SLC16A7: variants seen among roughly 807,000 people sequenced by gnomAD.
SLC16A7 encodes the protein monocarboxylate transporter 2.
SLC16A7 carries 33 observed loss-of-function variants against 34.9 expected under a neutral mutation model. That is an observed-to-expected ratio of 0.94 (90% CI 0.72 to 1.26). The LOEUF is 1.26. Among genes scored for constraint, SLC16A7 ranks in the 50% most tolerant of loss-of-function variants. The pLI, the probability that SLC16A7 is intolerant of heterozygous loss-of-function variation, is 0.00. For missense variants in SLC16A7, 573 were observed against 578.1 expected (o/e 0.99, Z 0.09); for synonymous variants, 201 against 206.6 (o/e 0.97, Z 0.23).
intron 3 of SLC16A7, among the ~76,000 whole-genome samples, chr12:59,767,014 T>C (rs1161354258): frequency 1.3e-5 from 2 of 152,104 alleles, no homozygotes; most frequent in Non-Finnish European, 2.9e-5. Context: ...TCAGAGCCTG[T>C]TATTGATCTA....
At chr12:59,599,837 T>G (rs1878600221) in intron 1 of SLC16A7, among the ~76,000 whole-genome samples, 1 of 152,234 alleles carries the variant, frequency 6.6e-6, no homozygotes, top group African/African-American at 2.4e-5. Flanking sequence ...CTTAGGCTGA[T>G]TCTTATATTT....
intron 2 of SLC16A7, among the ~76,000 whole-genome samples, chr12:59,657,852 C>T (rs1161345943): frequency 6.6e-6 from 1 of 151,896 alleles, no homozygotes; most frequent in Non-Finnish European, 1.5e-5. Flanking sequence ...TATAGTTAGG[C>T]AGGGAGGTAA....
intron 2 of SLC16A7, among the ~76,000 whole-genome samples, chr12:59,685,856 T>G (rs113039077): frequency 2.0e-5 from 3 of 152,232 alleles, no homozygotes; most frequent in African/African-American, 7.2e-5. Flanking sequence ...ATAAAAAATT[T>G]TAATAATTTA....
At chr12:59,753,953 C>A (rs575289549) in intron 3 of SLC16A7, among the ~76,000 whole-genome samples, 1 of 152,268 alleles carries the variant, frequency 6.6e-6, no homozygotes, top group South Asian at 2.1e-4. Context: ...TTAAGAAACT[C>A]ACTCAAAACC....
intron 1 of SLC16A7, among the ~76,000 whole-genome samples, chr12:59,617,753 C>G (rs1051948653): frequency 1.3e-5 from 2 of 151,832 alleles, no homozygotes; most frequent in Non-Finnish European, 2.9e-5. Flanking sequence ...AAGGTCTGGC[C>G]TAATCGACTC....
intron 5 of SLC16A7, among the ~76,000 whole-genome samples, chr12:59,779,103 A>T (rs959723217): frequency 5.3e-5 from 8 of 152,112 alleles, no homozygotes; most frequent in Admixed American, 5.3e-4. Flanking sequence ...ATTCACATGT[A>T]TAGATATAAA....
chr12:59,740,883 G>C (rs1278784221), intron 3 of SLC16A7, among the ~76,000 whole-genome samples: 9 of 152,018 alleles, frequency 5.9e-5, no homozygotes, highest in African/African-American at 2.2e-4. Flanking sequence ...CAAAATCAAT[G>C]TACAAAAATC....
chr12:59,614,552 C>T (rs1879348524), intron 1 of SLC16A7, among the ~76,000 whole-genome samples: 1 of 151,674 alleles, frequency 6.6e-6, no homozygotes, highest in African/African-American at 2.4e-5. Flanking sequence ...GTATAGCTGC[C>T]GTAATTTGAA....
At chr12:59,717,098 G>A (rs752953345) in intron 3 of SLC16A7, among the ~76,000 whole-genome samples, 2 of 152,264 alleles carry the variant, frequency 1.3e-5, no homozygotes, top group East Asian at 3.9e-4. Context: ...CTGGGATATA[G>A]AAATTGCTGT....
chr12:59,718,864 C>T (rs1875231222), intron 3 of SLC16A7, among the ~76,000 whole-genome samples: 1 of 152,102 alleles, frequency 6.6e-6, no homozygotes, highest in East Asian at 1.9e-4. Context: ...CTTTCTGTTA[C>T]TCTGGCCATC....
chr12:59,756,271 T>C (rs1880330097), intron 3 of SLC16A7, among the ~76,000 whole-genome samples: 3 of 152,126 alleles, frequency 2.0e-5, no homozygotes, highest in African/African-American at 7.2e-5. Context: ...CTAATTAAAC[T>C]AAAGAGCTTC....
At chr12:59,671,749 TATA>T (rs1264824368) in intron 2 of SLC16A7, among the ~76,000 whole-genome samples, 2 of 145,446 alleles carry the variant, frequency 1.4e-5, no homozygotes, top group Admixed American at 7.0e-5. Context: ...TATATGTATA[TATA>T]ATGTGTATAT....
chr12:59,660,255 C>T (rs1453301108), intron 2 of SLC16A7, among the ~76,000 whole-genome samples: 1 of 151,948 alleles, frequency 6.6e-6, no homozygotes, highest in African/African-American at 2.4e-5. Flanking sequence ...AGGCCTTTCA[C>T]AATGCCAGTC....
intron 2 of SLC16A7, among the ~76,000 whole-genome samples, chr12:59,661,478 G>T (rs1235059585): frequency 2.0e-5 from 3 of 152,052 alleles, no homozygotes; most frequent in Non-Finnish European, 4.4e-5. Flanking sequence ...AGTGATGGCG[G>T]GGAGCTAAGT....
chr12:59,706,709 G>A (rs1208704827), intron 3 of SLC16A7, among the ~76,000 whole-genome samples: 1 of 152,084 alleles, frequency 6.6e-6, no homozygotes, highest in Middle Eastern at 3.2e-3. Context: ...TGCTAGAGCA[G>A]CACACAGTCA....
chr12:59,597,179 A>T (rs1244032679), intron 1 of SLC16A7: 1 of 149,300 alleles, frequency 6.7e-6, no homozygotes, highest in African/African-American at 2.5e-5. Context: ...GGTAGGGCTG[A>T]GGAGGGACTT....
chr12:59,684,617 C>T (rs1039041082), intron 2 of SLC16A7, among the ~76,000 whole-genome samples: 3 of 152,060 alleles, frequency 2.0e-5, no homozygotes, highest in Non-Finnish European at 4.4e-5. Context: ...TACTTTTCCA[C>T]GCTGCAGCAA....
At chr12:59,758,075 T>A (rs1880595128) in intron 3 of SLC16A7, among the ~76,000 whole-genome samples, 3 of 152,020 alleles carry the variant, frequency 2.0e-5, no homozygotes, top group Non-Finnish European at 4.4e-5. Flanking sequence ...ACACAAGGGT[T>A]AGGGGGACCA....
chr12:59,664,469 C>T (rs1253992683), intron 2 of SLC16A7, among the ~76,000 whole-genome samples: 1 of 152,048 alleles, frequency 6.6e-6, no homozygotes, highest in South Asian at 2.1e-4. Flanking sequence ...TTGACCCTGG[C>T]CTCTTTGTTA....
Sources: gnomAD v4.1 joint callset for allele counts (sites outside exome capture counted in the v4.1 genomes callset) on GRCh38, gnomAD v4.1.1 for gene constraint, MANE v1.5 for transcripts, NCBI Gene and HGNC (gene_info 2026-07-23, HGNC 2026-07-21) for gene names.